COMMD10: variants seen among roughly 807,000 people sequenced by gnomAD.
COMMD10 encodes COMM domain-containing protein 10.
A neutral mutation model predicts 28.9 loss-of-function variants in COMMD10; 33 were observed. The ratio of observed to expected loss-of-function variants is 1.14; its 90% confidence interval spans 0.87 to 1.53. The LOEUF is 1.53. Among genes scored for constraint, COMMD10 ranks in the 40% most tolerant of loss-of-function variants. The probability of loss-of-function intolerance (pLI) is 0.00; values close to 1 mark genes in which losing one functional copy is unlikely to be tolerated. For missense variants in COMMD10, 310 were observed against 233.4 expected, an observed-to-expected ratio of 1.33 and a Z score of -2.14; for synonymous variants, 110 against 81.7, an observed-to-expected ratio of 1.35 and a Z score of -1.87.
At chr5:116,196,334 G>A (rs553432047) in intron 5 of COMMD10, among the ~76,000 whole-genome samples, 9 of 152,148 alleles carry the variant, frequency 5.9e-5, no homozygotes, top group Admixed American at 3.3e-4. Context: ...AGTGGACTTC[G>A]AGGACTTGGG....
chr5:116,258,210 C>G (rs144744191), intron 5 of COMMD10, among the ~76,000 whole-genome samples: 4 of 151,534 alleles, frequency 2.6e-5, no homozygotes, highest in Non-Finnish European at 5.9e-5. Context: ...TTTCTCTTAC[C>G]GAATTTCAAT....
intron 5 of COMMD10, among the ~76,000 whole-genome samples, chr5:116,197,559 A>AT (rs957623005): frequency 1.3e-5 from 2 of 151,424 alleles, no homozygotes; most frequent in African/African-American, 4.9e-5. Context: ...ATTTTATTTT[A>AT]TTTTTTGTAG....
intron 5 of COMMD10, among the ~76,000 whole-genome samples, chr5:116,169,086 A>C (rs756256499): frequency 6.6e-6 from 1 of 152,220 alleles, no homozygotes; most frequent in Non-Finnish European, 1.5e-5. Flanking sequence ...AAGAATTAAC[A>C]AAATAGACCT....
chr5:116,188,555 G>A (rs559460075), intron 5 of COMMD10: 1 of 151,468 alleles, frequency 6.6e-6, no homozygotes, highest in South Asian at 2.1e-4. Flanking sequence ...GTGAGCACAT[G>A]GTTTTTCTCT....
chr5:116,100,810 C>T (rs1340607276), intron 4 of COMMD10, among the ~76,000 whole-genome samples: 1 of 151,984 alleles, frequency 6.6e-6, no homozygotes, highest in Non-Finnish European at 1.5e-5. Flanking sequence ...TCATGGTGTA[C>T]AACTGAAATT....
At chr5:116,266,434 A>C (rs1055100037) in intron 5 of COMMD10, among the ~76,000 whole-genome samples, 1 of 151,772 alleles carries the variant, frequency 6.6e-6, no homozygotes, top group African/African-American at 2.4e-5. Context: ...CATTTATTTC[A>C]TATGAAAATA....
At position 116,133,603 on chromosome 5, in the gene COMMD10, C is replaced by G. The variant is rs535921732; in HGVS notation, c.400-465C>G. The stretch of plus-strand genomic sequence containing the variant: ...CCCTCTAAATTAAAAAGAAAAAAAG[C>G]AAATCTTACCTGTATAGTACCTACG... On this transcript the variant is annotated intron_variant, in intron 4 of 6. Coordinates refer to ENST00000274458, the MANE Select transcript of COMMD10 (RefSeq NM_016144.4). Among the ~76,000 whole-genome samples the G allele has an allele frequency of 2.0e-5, 3 of 152,196 alleles. No individual in the cohort carries two copies. In the East Asian group the frequency reaches 5.8e-4, roughly 29 times the overall value.
intron 5 of COMMD10, among the ~76,000 whole-genome samples, chr5:116,289,488 C>G (rs1751309012): frequency 6.6e-6 from 1 of 151,892 alleles, no homozygotes; most frequent in Non-Finnish European, 1.5e-5. Flanking sequence ...GCCCGTGGAA[C>G]TGCAGCTCTA....
At chr5:116,151,342 C>T (rs1007411618) in intron 5 of COMMD10, among the ~76,000 whole-genome samples, 4 of 151,804 alleles carry the variant, frequency 2.6e-5, no homozygotes, top group Non-Finnish European at 5.9e-5. Flanking sequence ...TGTCTCTGCC[C>T]AGCTTTGGTA....
intron 5 of COMMD10, among the ~76,000 whole-genome samples, chr5:116,148,897 A>T (rs556569011): frequency 4.0e-5 from 6 of 151,152 alleles, no homozygotes; most frequent in African/African-American, 7.3e-5. Flanking sequence ...CATGTGCACA[A>T]TGCGCAGGTT....
chr5:116,172,512 C>A (rs142188152), intron 5 of COMMD10, among the ~76,000 whole-genome samples: 6 of 152,276 alleles, frequency 3.9e-5, no homozygotes, highest in Admixed American at 2.0e-4. Context: ...AGCATTTGCT[C>A]AGACTATTGC....
At chr5:116,201,670 C>T (rs1175964212) in intron 5 of COMMD10, among the ~76,000 whole-genome samples, 1 of 152,028 alleles carries the variant, frequency 6.6e-6, no homozygotes, top group African/African-American at 2.4e-5. Flanking sequence ...AAGCTTCTTA[C>T]ATGCCAGACC....
At chr5:116,214,092 T>G (rs982998407) in intron 5 of COMMD10, among the ~76,000 whole-genome samples, 3 of 152,126 alleles carry the variant, frequency 2.0e-5, no homozygotes, top group African/African-American at 7.2e-5. Context: ...TTGTGTATAT[T>G]TCATTCTCTC....
intron 5 of COMMD10, among the ~76,000 whole-genome samples, chr5:116,268,998 A>G (rs1437202707): frequency 6.6e-6 from 1 of 151,746 alleles, no homozygotes; most frequent in Non-Finnish European, 1.5e-5. Flanking sequence ...CCTAATGTAA[A>G]TGACGAGTTA....
intron 5 of COMMD10, among the ~76,000 whole-genome samples, chr5:116,163,693 A>G (rs1752998584): frequency 6.6e-6 from 1 of 152,178 alleles, no homozygotes; most frequent in Non-Finnish European, 1.5e-5. Flanking sequence ...ATTTTATGGT[A>G]TGGCATTATT....
At chr5:116,243,766 A>G (rs1395095230) in intron 5 of COMMD10, among the ~76,000 whole-genome samples, 4 of 152,166 alleles carry the variant, frequency 2.6e-5, no homozygotes, top group Non-Finnish European at 5.9e-5. Context: ...ATTTCAGAAC[A>G]TCTGAGAGGC....
chr5:116,086,531 T>C (rs1580432150), intron 1 of COMMD10, among the ~76,000 whole-genome samples: 1 of 151,898 alleles, frequency 6.6e-6, no homozygotes, highest in African/African-American at 2.4e-5. Context: ...CCATCTCGGC[T>C]CACTGCAGCC....
intron 5 of COMMD10, among the ~76,000 whole-genome samples, chr5:116,156,339 C>A (rs1752709936): frequency 6.6e-6 from 1 of 152,094 alleles, no homozygotes; most frequent in African/African-American, 2.4e-5. Context: ...AAATTCTGAT[C>A]TGAAAATTGG....
intron 5 of COMMD10, among the ~76,000 whole-genome samples, chr5:116,180,227 A>G (rs112152397): frequency 3.5e-4 from 53 of 152,248 alleles, no homozygotes; most frequent in African/African-American, 1.3e-3. Flanking sequence ...ACATTTTTGA[A>G]TGGAATAATA....
Sources: gnomAD v4.1 joint callset for allele counts (sites outside exome capture counted in the v4.1 genomes callset) on GRCh38, gnomAD v4.1.1 for gene constraint, MANE v1.5 for transcripts, NCBI Gene and HGNC (gene_info 2026-07-23, HGNC 2026-07-21) for gene names.